CYTH1: variants seen among roughly 807,000 people sequenced by gnomAD.
CYTH1 encodes cytohesin-1.
CYTH1 carries 18 observed loss-of-function variants against 61.8 expected under a neutral mutation model. The observed-to-expected ratio is 0.29, with a 90% CI of 0.20 to 0.43. The LOEUF (loss-of-function observed/expected upper bound fraction) is 0.43, where lower values mean the gene tolerates loss of function less well. Among genes scored for constraint, CYTH1 ranks in the 20% least tolerant of loss-of-function variants. CYTH1 has a pLI of 1.00. For synonymous variants in CYTH1, 174 were observed against 184.3 expected (o/e 0.94, Z 0.45); for missense variants, 336 against 510.5 (o/e 0.66, Z 3.29).
At chr17:78,767,015 G>A (rs552856569) in intron 1 of CYTH1, among the ~76,000 whole-genome samples, 5 of 152,300 alleles carry the variant, frequency 3.3e-5, no homozygotes, top group Middle Eastern at 6.8e-3. Flanking sequence ...GGGTAACTGT[G>A]AGGGTTCAAT....
rs572982752 is a variant in CYTH1 at position 78,680,172 on chromosome 17, T to G, written c.1118+18A>C. 5 of 1,613,902 alleles carry G rather than the reference T, an allele frequency of 3.1e-6. No homozygotes were observed. In the African/African-American group the frequency reaches 6.7e-5, roughly 22 times the overall value. On this transcript the variant is annotated intron_variant, in intron 13 of 13. Coordinates refer to ENST00000446868, the MANE Select transcript of CYTH1 (RefSeq NM_004762.6). Reference sequence around the variant, plus strand: ...GGCTGCACCAGGCGCGCACTGCCCTTTCTCAGCAGTCACTTACTTAATGCA... The same window carrying G: ...GGCTGCACCAGGCGCGCACTGCCCTGTCTCAGCAGTCACTTACTTAATGCA...
intron 1 of CYTH1, among the ~76,000 whole-genome samples, chr17:78,744,987 A>C (rs2093354410): frequency 6.6e-6 from 1 of 152,188 alleles, no homozygotes; most frequent in Non-Finnish European, 1.5e-5. Context: ...GACTGATCTT[A>C]TTTAGTTTCT....
At chr17:78,780,007 A>G (rs1245774472) in intron 1 of CYTH1, among the ~76,000 whole-genome samples, 2 of 152,262 alleles carry the variant, frequency 1.3e-5, no homozygotes, top group Non-Finnish European at 2.9e-5. Context: ...CAACCAGACC[A>G]ATAGCTTCCT....
At chr17:78,723,537 C>G (rs897932144) in intron 1 of CYTH1, 1 of 152,402 alleles carries the variant, frequency 6.6e-6, no homozygotes. Context: ...ACGCGCAGAG[C>G]TGCAGCCCTA....
intron 1 of CYTH1, among the ~76,000 whole-genome samples, chr17:78,764,608 C>T (rs1370629138): frequency 1.3e-5 from 2 of 151,894 alleles, no homozygotes; most frequent in African/African-American, 2.4e-5. Context: ...ATATATAAAC[C>T]CCAAAATAAT....
chr17:78,779,458 C>A (rs918638941), intron 1 of CYTH1, among the ~76,000 whole-genome samples: 1 of 150,544 alleles, frequency 6.6e-6, no homozygotes, highest in African/African-American at 2.4e-5. Flanking sequence ...ACTTTCTCAT[C>A]TTCGTGTGTG....
chr17:78,692,596 A>T, intron 10 of CYTH1, 103 bp from the exon 11 acceptor site: 1 of 1,033,344 alleles, frequency 9.7e-7, no homozygotes, highest in Non-Finnish European at 1.5e-6. Context: ...GTTGGGGGAG[A>T]GGCATCAGGA....
At chr17:78,720,867 CCT>C (rs1176871471) in intron 1 of CYTH1, among the ~76,000 whole-genome samples, 2 of 151,654 alleles carry the variant, frequency 1.3e-5, no homozygotes, top group African/African-American at 4.8e-5. Context: ...AGAGAAAGAC[CCT>C]CTCTCAAAAA....
chr17:78,706,148 T>C (rs961882726), intron 3 of CYTH1, among the ~76,000 whole-genome samples: 1 of 152,110 alleles, frequency 6.6e-6, no homozygotes, highest in Non-Finnish European at 1.5e-5. Flanking sequence ...CGAGGTAAAA[T>C]TTACATTTAA....
intron 1 of CYTH1, among the ~76,000 whole-genome samples, chr17:78,751,728 A>G (rs2093381080): frequency 6.6e-6 from 1 of 152,228 alleles, no homozygotes. Context: ...AATAACAAGG[A>G]TTGACTGCAT....
At chr17:78,758,161 T>C (rs1406646816) in intron 1 of CYTH1, among the ~76,000 whole-genome samples, 1 of 152,200 alleles carries the variant, frequency 6.6e-6, no homozygotes, top group Non-Finnish European at 1.5e-5. Context: ...TGTTACAGGA[T>C]TCTTTCTTAC....
intron 9 of CYTH1, among the ~76,000 whole-genome samples, chr17:78,698,056 T>G (rs777285903): frequency 4.6e-5 from 7 of 152,232 alleles, no homozygotes; most frequent in African/African-American, 1.7e-4. Flanking sequence ...AAAGTCTCTC[T>G]GGAGTCCTCT....
At chr17:78,765,115 G>A (rs898127742) in intron 1 of CYTH1, among the ~76,000 whole-genome samples, 1 of 152,172 alleles carries the variant, frequency 6.6e-6, no homozygotes, top group African/African-American at 2.4e-5. Flanking sequence ...CGTGCCTGGT[G>A]TGTACCAAGC....
chr17:78,766,255 C>T (rs944351374), intron 1 of CYTH1, among the ~76,000 whole-genome samples: 2 of 152,066 alleles, frequency 1.3e-5, no homozygotes, highest in African/African-American at 4.8e-5. Context: ...CTTTCAGCAG[C>T]CTTTTTATTT....
At chr17:78,698,185 A>ACACGCACG (rs530130889) in intron 9 of CYTH1, 84 bp downstream of exon 9, 66 of 1,116,020 alleles carry the variant, frequency 5.9e-5, no homozygotes, top group Non-Finnish European at 8.1e-5. Context: ...ACACGCGCAC[A>ACACGCACG]CACGCACGCA....
chr17:78,734,966 C>CCCT lies in CYTH1; in HGVS notation c.23-25237_23-25235dup, dbSNP rs1447372714. On this transcript the variant is annotated intron_variant, in intron 1 of 13. Transcript: ENST00000446868. ...CTGCCAGAGGAAACTCCATTTGTCC[C>CCCT]CCTCCTTTTACACCTACCTAAATGC... Among the ~76,000 whole-genome samples the CCCT allele has an allele frequency of 2.1e-4, 32 of 152,198 alleles. No individual in the cohort carries two copies. In the East Asian group the frequency reaches 5.8e-3, roughly 28 times the overall value.
intron 1 of CYTH1, chr17:78,736,654 C>T (rs571628335): frequency 4.7e-5 from 16 of 339,304 alleles, no homozygotes; most frequent in Admixed American, 7.5e-5. Flanking sequence ...TACCCCAAGC[C>T]GCATCAGTCC....
chr17:78,694,035 T>C (rs2092914877), intron 10 of CYTH1, among the ~76,000 whole-genome samples: 1 of 152,226 alleles, frequency 6.6e-6, no homozygotes, highest in African/African-American at 2.4e-5. Context: ...AGAATGGTTT[T>C]ACAGGGATTA....
At chr17:78,759,694 A>G (rs1260002935) in intron 1 of CYTH1, among the ~76,000 whole-genome samples, 1 of 152,230 alleles carries the variant, frequency 6.6e-6, no homozygotes, top group East Asian at 1.9e-4. Context: ...GCAAAACCAC[A>G]TAAATTAGAT....
Sources: gnomAD v4.1 joint callset for allele counts (sites outside exome capture counted in the v4.1 genomes callset) on GRCh38, gnomAD v4.1.1 for gene constraint, MANE v1.5 for transcripts, NCBI Gene and HGNC (gene_info 2026-07-23, HGNC 2026-07-21) for gene names.